The following PRKCQ variants were observed in gnomAD, a reference collection of about 807,000 sequenced individuals.
The protein encoded by PRKCQ is protein kinase C theta.
Under a neutral mutation model 91.2 loss-of-function variants are expected in PRKCQ, and 41 were observed. That is an observed-to-expected ratio of 0.45 (90% CI 0.35 to 0.58). The LOEUF (loss-of-function observed/expected upper bound fraction) is 0.58. Ranked by LOEUF, PRKCQ falls within the 20% of genes least tolerant of loss-of-function variation. PRKCQ has a pLI of 0.00. For missense variants in PRKCQ, 673 were observed against 896.5 expected (o/e 0.75, Z 3.18); for synonymous variants, 307 against 316.9 (o/e 0.97, Z 0.33).
chr10:6,482,870 A>G (rs1836682279), intron 11 of PRKCQ, among the ~76,000 whole-genome samples: 1 of 152,144 alleles, frequency 6.6e-6, no homozygotes, highest in Non-Finnish European at 1.5e-5. Flanking sequence ...ACTCACTATC[A>G]TGGGAACAGC....
chr10:6,435,703 C>G (rs1271108882), intron 16 of PRKCQ, among the ~76,000 whole-genome samples: 2 of 152,166 alleles, frequency 1.3e-5, no homozygotes, highest in African/African-American at 4.8e-5. Context: ...AGCTGATGAA[C>G]TAAAACAAAA....
At chr10:6,579,903 C>T (rs1182385985) in intron 1 of PRKCQ, among the ~76,000 whole-genome samples, 1 of 151,286 alleles carries the variant, frequency 6.6e-6, no homozygotes, top group South Asian at 2.1e-4. Context: ...CGCAGGCCCC[C>T]TTTCGTTCAG....
chr10:6,486,277 C>A, intron 8 of PRKCQ, 133 bp from the exon 9 acceptor site: 1 of 706,572 alleles, frequency 1.4e-6, no homozygotes, highest in Non-Finnish European at 2.5e-6. Flanking sequence ...AGGAAGTTGA[C>A]CCTGGCTCTC....
intron 15 of PRKCQ, among the ~76,000 whole-genome samples, chr10:6,444,273 T>C (rs1031045270): frequency 3.3e-5 from 5 of 152,128 alleles, no homozygotes; most frequent in African/African-American, 9.7e-5. Context: ...GTTTCACATG[T>C]TGATCAGGCT....
At chr10:6,446,516 C>G (rs1203696488) in intron 15 of PRKCQ, among the ~76,000 whole-genome samples, 2 of 152,004 alleles carry the variant, frequency 1.3e-5, no homozygotes, top group Non-Finnish European at 2.9e-5. Context: ...CAGGTGTGTG[C>G]CACCACATCC....
intron 1 of PRKCQ, among the ~76,000 whole-genome samples, chr10:6,530,549 G>T (rs570557538): frequency 1.3e-5 from 2 of 152,166 alleles, no homozygotes; most frequent in East Asian, 1.9e-4. Context: ...ACAGTCACAG[G>T]GGGGGTTGTT....
chr10:6,453,508 G>A (rs1171109455), intron 15 of PRKCQ, among the ~76,000 whole-genome samples: 3 of 152,212 alleles, frequency 2.0e-5, no homozygotes, highest in Non-Finnish European at 4.4e-5. Flanking sequence ...GGAAGTCAGT[G>A]TGGCGATTCC....
chr10:6,451,878 C>A lies in PRKCQ; in HGVS notation c.1647+4796G>T, dbSNP rs548196119. Among the ~76,000 whole-genome samples, 3 of 152,262 alleles carry A rather than the reference C, an allele frequency of 2.0e-5. No homozygotes were observed. The East Asian group carries it at 5.8e-4, about 29-fold the overall frequency. On this transcript the variant is annotated intron_variant, in intron 15 of 17. Coordinates refer to ENST00000263125, the MANE Select transcript of PRKCQ (RefSeq NM_006257.5). Reference sequence around the variant, plus strand: ...AAGGCCTTTGACAAAATTCAACAACCCTTCATGCTAAAAACTCTCAATAAA... The same window carrying A: ...AAGGCCTTTGACAAAATTCAACAACACTTCATGCTAAAAACTCTCAATAAA...
chr10:6,415,358 T>G, the PRKCQ span, among the ~76,000 whole-genome samples: 1 of 146,504 alleles, frequency 6.8e-6, no homozygotes, highest in African/African-American at 2.6e-5. Context: ...TGTAATCAAA[T>G]TTCTTAAACC....
chr10:6,423,999 C>T (rs755053480), downstream of PRKCQ, among the ~76,000 whole-genome samples: 1 of 152,044 alleles, frequency 6.6e-6, no homozygotes, highest in African/African-American at 2.4e-5. Context: ...GTGGTAGGCT[C>T]GGTGGTAAAG....
At chr10:6,462,421 T>C in intron 13 of PRKCQ, 56 bp from the exon 14 acceptor site, 1 of 1,557,226 alleles carries the variant, frequency 6.4e-7, no homozygotes, top group Admixed American at 1.7e-5. Context: ...CGAAATAAAA[T>C]CCCAAACCCA....
the PRKCQ span, among the ~76,000 whole-genome samples, chr10:6,408,342 G>GC: frequency 3.9e-5 from 6 of 151,928 alleles, no homozygotes; most frequent in Non-Finnish European, 7.4e-5. Context: ...GATGGATTTA[G>GC]TTTTTTTGGC....
intron 1 of PRKCQ, among the ~76,000 whole-genome samples, chr10:6,517,588 CTTTTTT>C (rs56306878): frequency 0.074 from 3,678 of 49,620 alleles, 133 homozygotes; most frequent in African/African-American, 0.16. Flanking sequence ...AAGATAGCAT[CTTTTTT>C]TTTTTTTTTT....
chr10:6,442,291 TTTTCAG>T (rs1473106531), intron 15 of PRKCQ, among the ~76,000 whole-genome samples: 4 of 152,188 alleles, frequency 2.6e-5, no homozygotes, highest in African/African-American at 4.8e-5. Context: ...GAGTAAACAC[TTTTCAG>T]TTTCAATTTG....
At chr10:6,434,146 G>C (rs1271829797) in intron 16 of PRKCQ, among the ~76,000 whole-genome samples, 1 of 151,872 alleles carries the variant, frequency 6.6e-6, no homozygotes, top group African/African-American at 2.4e-5. Context: ...AAGGACATTT[G>C]GATGAAACGA....
the PRKCQ span, among the ~76,000 whole-genome samples, chr10:6,405,954 T>C: frequency 6.6e-6 from 1 of 152,232 alleles, no homozygotes; most frequent in Non-Finnish European, 1.5e-5. Context: ...TTCTTCTTGG[T>C]ATAACCTCAA....
At chr10:6,397,087 A>C in the PRKCQ span, among the ~76,000 whole-genome samples, 6 of 152,010 alleles carry the variant, frequency 3.9e-5, no homozygotes, top group Non-Finnish European at 8.8e-5. Flanking sequence ...CTTTAGAAAA[A>C]TGTCTATTCA....
downstream of PRKCQ, among the ~76,000 whole-genome samples, chr10:6,425,311 G>A (rs894207396): frequency 3.3e-5 from 5 of 149,270 alleles, no homozygotes; most frequent in Admixed American, 6.8e-5. Context: ...TGCGACCTCC[G>A]CCTCCCGAGT....
intron 12 of PRKCQ, among the ~76,000 whole-genome samples, chr10:6,471,512 G>A (rs1267610880): frequency 1.3e-5 from 2 of 152,192 alleles, no homozygotes; most frequent in African/African-American, 4.8e-5. Context: ...GGAGGCCGAG[G>A]TGGGTGGATC....
Sources: gnomAD v4.1 joint callset for allele counts (sites outside exome capture counted in the v4.1 genomes callset) on GRCh38, gnomAD v4.1.1 for gene constraint, MANE v1.5 for transcripts, NCBI Gene and HGNC (gene_info 2026-07-23, HGNC 2026-07-21) for gene names.